Variants in NUGGC observed in about 807,000 individuals in gnomAD.
NUGGC encodes nuclear GTPase SLIP-GC.
In NUGGC, 58 loss-of-function variants were observed where a neutral mutation model predicts 92.6. That is an observed-to-expected ratio of 0.63 (90% CI 0.51 to 0.78). The LOEUF is 0.78. NUGGC is among the 30% of genes least tolerant of loss of function. The probability of loss-of-function intolerance (pLI) is 0.00; values close to 1 mark genes in which losing one functional copy is unlikely to be tolerated. For missense variants in NUGGC, 925 were observed against 964.6 expected (o/e 0.96, Z 0.54); for synonymous variants, 376 against 366.4 (o/e 1.03, Z -0.30).
Position 28,047,605 on chromosome 8 carries a change from A to T in NUGGC, c.1214T>A (p.Leu405Gln), listed in dbSNP as rs141111223. 14 of 1,553,608 alleles carry T rather than the reference A, an allele frequency of 9.0e-6. No homozygotes were observed. The highest frequency in any genetic ancestry group is 1.2e-5 in the Non-Finnish European group (14 of 1,146,612). ...TTCCAGAACCTTGAAGTCAGCTGGC[A>T]GTTTTCTCTGAAGTGAGAGAGTCAC... is the stretch of plus-strand genomic sequence containing the variant. ...RILKEKLKRK[L>Q]PADFKVLEAS... Residue 405 changes from leucine to glutamine, a missense_variant, in exon 11 of 19, where the codon CTG (leucine) becomes CAG (glutamine). Transcript: ENST00000413272.
rs1220327890 is a variant in NUGGC at position 28,024,273 on chromosome 8, G to A, written c.2246-811C>T. Among the ~76,000 whole-genome samples, 6 of 134,014 alleles carry A rather than the reference G, an allele frequency of 4.5e-5. No homozygotes were observed. In the South Asian group the frequency reaches 6.9e-4, roughly 15 times the overall value. 87.9% of individuals were successfully genotyped at this position (134,014 alleles called of 152,430 possible). ...TTGGCCAGGCTGGTCTCGAACTCTTGACCTCAGTTGATACACCCGCCTCGG... is the reference window on the plus strand; with the variant it reads ...TTGGCCAGGCTGGTCTCGAACTCTTAACCTCAGTTGATACACCCGCCTCGG... On this transcript the variant is annotated intron_variant, in intron 18 of 18. Transcript: ENST00000413272.
intron 13 of NUGGC, among the ~76,000 whole-genome samples, chr8:28,034,927 C>T (rs1350981223): frequency 1.3e-5 from 2 of 152,088 alleles, no homozygotes; most frequent in African/African-American, 4.8e-5. Flanking sequence ...GGTTATTTTC[C>T]TATGTTAAAT....
chr8:28,074,644 C>T (rs546373121), intron 1 of NUGGC, among the ~76,000 whole-genome samples, 188 bp from the exon 2 acceptor site: 9 of 152,128 alleles, frequency 5.9e-5, no homozygotes, highest in Non-Finnish European at 1.3e-4. Context: ...ACACTGGTTT[C>T]CAATAATACT....
chr8:28,056,555 C>A (rs1260787108), intron 9 of NUGGC, among the ~76,000 whole-genome samples: 1 of 151,220 alleles, frequency 6.6e-6, no homozygotes, highest in Non-Finnish European at 1.5e-5. Context: ...TACGTGGATT[C>A]TTTTTCAATA....
chr8:28,043,153 A>T (rs888539603), intron 12 of NUGGC, among the ~76,000 whole-genome samples: 1 of 152,268 alleles, frequency 6.6e-6, no homozygotes, highest in Non-Finnish European at 1.5e-5. Flanking sequence ...AGCTATGGGC[A>T]TGATTCTCAC....
Position 28,050,108 on chromosome 8 carries a change from G to T in NUGGC, c.1207-2496C>A, listed in dbSNP as rs370730594. Among the ~76,000 whole-genome samples, 5 of 149,794 alleles carry T rather than the reference G, an allele frequency of 3.3e-5. No homozygotes were observed. In the East Asian group the frequency reaches 9.9e-4, roughly 30 times the overall value. ...TCTTAAAAAAATTAAATAAAAGGCCGGGCACGGTGGCTCATGCCTGTAATC... is the reference window on the plus strand; with the variant it reads ...TCTTAAAAAAATTAAATAAAAGGCCTGGCACGGTGGCTCATGCCTGTAATC... On this transcript the variant is annotated intron_variant, in intron 10 of 18. Transcript: ENST00000413272.
At chr8:28,058,863 C>T (rs771896017) in intron 8 of NUGGC, among the ~76,000 whole-genome samples, 3 of 151,984 alleles carry the variant, frequency 2.0e-5, no homozygotes, top group African/African-American at 7.3e-5. Flanking sequence ...TCACCACGCC[C>T]GGCCAATTTA....
intron 7 of NUGGC, among the ~76,000 whole-genome samples, chr8:28,062,743 G>A (rs556975912): frequency 6.6e-5 from 10 of 152,256 alleles, no homozygotes; most frequent in Admixed American, 2.6e-4. Flanking sequence ...CAGGGCCCCC[G>A]TCACCTTCAT....
intron 1 of NUGGC, among the ~76,000 whole-genome samples, chr8:28,081,501 G>T (rs1162290583): frequency 6.6e-6 from 1 of 152,108 alleles, no homozygotes; most frequent in Non-Finnish European, 1.5e-5. Flanking sequence ...TTGGGGAACA[G>T]ATGCCACCTT....
intron 7 of NUGGC, among the ~76,000 whole-genome samples, chr8:28,061,988 A>G (rs1810318522): frequency 6.6e-6 from 1 of 152,204 alleles, no homozygotes. Context: ...CTTAGTTAGA[A>G]TTCCAACATA....
intron 12 of NUGGC, among the ~76,000 whole-genome samples, chr8:28,043,016 G>A (rs1414608216): frequency 6.6e-6 from 1 of 152,144 alleles, no homozygotes; most frequent in Non-Finnish European, 1.5e-5. Context: ...TGCACCCCGG[G>A]AATTTCCCTC....
intron 6 of NUGGC, among the ~76,000 whole-genome samples, chr8:28,067,134 A>G (rs1052019798): frequency 2.6e-5 from 4 of 152,178 alleles, no homozygotes; most frequent in Non-Finnish European, 5.9e-5. Flanking sequence ...TGATGTTGGC[A>G]TTGCTGATCC....
chr8:28,066,390 C>T (rs1585594864), intron 6 of NUGGC, among the ~76,000 whole-genome samples: 1 of 152,290 alleles, frequency 6.6e-6, no homozygotes, highest in South Asian at 2.1e-4. Flanking sequence ...AGCATTTAAA[C>T]ATTTTAAGAG....
At chr8:28,072,604 T>C (rs1052045572) in intron 2 of NUGGC, among the ~76,000 whole-genome samples, 2 of 152,142 alleles carry the variant, frequency 1.3e-5, no homozygotes, top group African/African-American at 4.8e-5. Flanking sequence ...TGATAAGAGT[T>C]TGGAAGCTTA....
chr8:28,033,513 G>A (rs749215188), intron 14 of NUGGC, 27 bp downstream of exon 14: 26 of 1,601,758 alleles, frequency 1.6e-5, no homozygotes, highest in African/African-American at 5.4e-5. Context: ...GTTTGTTCCC[G>A]AAGGTGCAAG....
chr8:28,061,962 C>G (rs1810318123), intron 7 of NUGGC, among the ~76,000 whole-genome samples: 2 of 152,090 alleles, frequency 1.3e-5, no homozygotes, highest in Non-Finnish European at 2.9e-5. Flanking sequence ...GCATGGGAGG[C>G]TTTTTCAAAT....
At chr8:28,075,811 A>G (rs1810708118) in intron 1 of NUGGC, among the ~76,000 whole-genome samples, 1 of 152,214 alleles carries the variant, frequency 6.6e-6, no homozygotes, top group South Asian at 2.1e-4. Flanking sequence ...ACCCCTATTA[A>G]GTGCAAGATT....
At chr8:28,052,297 G>A (rs1011072831) in intron 10 of NUGGC, among the ~76,000 whole-genome samples, 5 of 152,174 alleles carry the variant, frequency 3.3e-5, no homozygotes, top group African/African-American at 9.7e-5. Flanking sequence ...TCACAAGGTG[G>A]TTGTCACTGC....
chr8:28,036,526 G>C (rs1213091743), intron 13 of NUGGC, among the ~76,000 whole-genome samples: 1 of 152,124 alleles, frequency 6.6e-6, no homozygotes, highest in African/African-American at 2.4e-5. Context: ...CCACCTCCAT[G>C]AAACAGTAAA....
Sources: allele counts gnomAD v4.1 joint callset (sites outside exome capture counted in the v4.1 genomes callset), GRCh38; gene constraint gnomAD v4.1.1; transcripts MANE v1.5; gene names NCBI Gene and HGNC (gene_info 2026-07-23, HGNC 2026-07-21).